TOMM70: variants seen among roughly 807,000 people sequenced by gnomAD.
The protein encoded by TOMM70 is translocase of outer mitochondrial membrane 70, also known as mitochondrial import receptor subunit TOM70.
In TOMM70, 13 loss-of-function variants were observed where a neutral mutation model predicts 73.6. The observed-to-expected ratio is 0.18, with a 90% CI of 0.11 to 0.28. The LOEUF (loss-of-function observed/expected upper bound fraction) is 0.28. TOMM70 is among the 10% of genes least tolerant of loss of function. TOMM70 has a pLI of 1.00. For synonymous variants in TOMM70, 257 were observed against 271.2 expected (o/e 0.95, Z 0.51); for missense variants, 609 against 747.5 (o/e 0.81, Z 2.16).
chr3:100,374,974 G>A lies in TOMM70; in HGVS notation c.1227+44C>T, dbSNP rs1250098583. 11 of 1,481,500 alleles carry A rather than the reference G, an allele frequency of 7.4e-6. No homozygotes were observed. The Admixed American group carries it at 1.5e-4, about 20-fold the overall frequency. 91.8% of individuals were successfully genotyped at this position (1,481,500 alleles called of 1,614,324 possible). On this transcript the variant is annotated intron_variant, in intron 7 of 11. Coordinates refer to ENST00000284320, the MANE Select transcript of TOMM70 (RefSeq NM_014820.5). ...AGAAATTCTCAAAAATGGTATCAAA[G>A]CTCAATCCACAAGTCAGACCTCTAG...
At chr3:100,370,691 T>G (rs1706499575) in intron 9 of TOMM70, among the ~76,000 whole-genome samples, 1 of 152,116 alleles carries the variant, frequency 6.6e-6, no homozygotes, top group African/African-American at 2.4e-5. Flanking sequence ...TATGCATATA[T>G]AAAGTTACAT....
intron 11 of TOMM70, among the ~76,000 whole-genome samples, chr3:100,367,725 CA>C (rs1397616574): frequency 1.3e-5 from 2 of 152,158 alleles, no homozygotes; most frequent in Non-Finnish European, 1.5e-5. Context: ...AACACTTACA[CA>C]AAATAAGAGG....
At chr3:100,389,595 A>G (rs1272682456) in intron 1 of TOMM70, among the ~76,000 whole-genome samples, 2 of 152,258 alleles carry the variant, frequency 1.3e-5, no homozygotes, top group Non-Finnish European at 2.9e-5. Context: ...AAGTTGTGGA[A>G]GGTGAATACT....
intron 1 of TOMM70, among the ~76,000 whole-genome samples, chr3:100,399,183 G>A (rs147001360): frequency 3.9e-5 from 6 of 151,904 alleles, no homozygotes; most frequent in African/African-American, 1.4e-4. Flanking sequence ...TCCGGAGGCT[G>A]AGGCAGAACT....
chr3:100,384,270 T>C (rs372166882), intron 4 of TOMM70, among the ~76,000 whole-genome samples: 4 of 152,220 alleles, frequency 2.6e-5, no homozygotes, highest in Middle Eastern at 3.4e-3. Flanking sequence ...ATTCCAATAT[T>C]CTCCAGGTAG....
At chr3:100,394,320 A>G (rs1706795872) in intron 1 of TOMM70, among the ~76,000 whole-genome samples, 1 of 151,874 alleles carries the variant, frequency 6.6e-6, no homozygotes, top group Non-Finnish European at 1.5e-5. Flanking sequence ...CACTTACTGT[A>G]TGAGAAACAA....
At chr3:100,380,911 T>G (rs996416874) in intron 5 of TOMM70, among the ~76,000 whole-genome samples, 1 of 152,212 alleles carries the variant, frequency 6.6e-6, no homozygotes, top group Non-Finnish European at 1.5e-5. Context: ...AACCCAGTTA[T>G]GCACAGCTAC....
rs1005107486 is a variant in TOMM70, at chr3:100,401,059, C to T, written c.-110G>A. The stretch of plus-strand genomic sequence containing the variant: ...AAGGAAAGCAATGAGCGAGCGAGCA[C>T]GCTAGGCAGAGAGAGCGGACGACAG... On this transcript the variant is annotated 5_prime_UTR_variant, in exon 1 of 12. The change creates a new upstream start codon in the 5' untranslated region. Transcript: ENST00000284320. The T allele has an allele frequency of 3.3e-6, 4 of 1,199,444 alleles. No homozygotes were observed. The highest frequency in any genetic ancestry group is 3.2e-5 in the African/African-American group (2 of 63,438). The allele number at this position is 1,199,444 out of a possible 1,614,324, so 74.3% of individuals were successfully genotyped here.
At chr3:100,381,898 C>G in intron 4 of TOMM70, 135 bp from the exon 5 acceptor site, 1 of 907,256 alleles carries the variant, frequency 1.1e-6, no homozygotes, top group Non-Finnish European at 1.6e-6. Context: ...AAGCTCCAAG[C>G]CACAGAACAA....
chr3:100,365,406 C>G lies in TOMM70; in HGVS notation c.*158G>C. The G allele has an allele frequency of 2.7e-6, 3 of 1,108,354 alleles. No homozygotes were observed. Among genetic ancestry groups the G allele is most frequent in the Non-Finnish European group, 1.3e-6 (1 of 795,122 alleles). The allele number at this position is 1,108,354 out of a possible 1,614,324, so 68.7% of individuals were successfully genotyped here. A position where few individuals can be genotyped will look rare whatever the true frequency, so the allele number is the denominator to read the frequency against. On this transcript the variant is annotated 3_prime_UTR_variant, in exon 12 of 12. Transcript: ENST00000284320. ...TGCAAACTTCCTTCAACAGCCACAC[C>G]CACAACACCTAGACATGAAACAGAT...
chr3:100,386,086 A>C (rs2148892745), intron 3 of TOMM70, 132 bp downstream of exon 3: 5 of 969,890 alleles, frequency 5.2e-6, no homozygotes, highest in East Asian at 5.0e-5. Context: ...TAGAAGACAC[A>C]ATCTTAAGTG....
intron 1 of TOMM70, among the ~76,000 whole-genome samples, chr3:100,388,235 CA>C (rs1233991574): frequency 3.9e-5 from 6 of 152,182 alleles, no homozygotes; most frequent in South Asian, 2.1e-4. Flanking sequence ...GAAACACCCA[CA>C]AAACACCCAC....
chr3:100,370,081 T>TAAATG (rs150519870), intron 9 of TOMM70, among the ~76,000 whole-genome samples: 45,830 of 151,832 alleles, frequency 0.3, 11,952 homozygotes, highest in African/African-American at 0.68. Flanking sequence ...TAAGCCAACT[T>TAAATG]AAATATTTTA....
At chr3:100,385,203 CT>C (rs1314996083) in intron 3 of TOMM70, among the ~76,000 whole-genome samples, 2 of 152,252 alleles carry the variant, frequency 1.3e-5, no homozygotes, top group Non-Finnish European at 2.9e-5. Context: ...ATATATTCCC[CT>C]GATAACCACG....
intron 7 of TOMM70, 68 bp downstream of exon 7, chr3:100,374,950 G>A: frequency 1.4e-6 from 2 of 1,430,506 alleles, no homozygotes; most frequent in Non-Finnish European, 1.8e-6. Context: ...AATTACATAA[G>A]AAATTCTCAA....
chr3:100,366,182 G>C (rs1005544051), intron 11 of TOMM70, among the ~76,000 whole-genome samples: 2 of 152,108 alleles, frequency 1.3e-5, no homozygotes, highest in African/African-American at 4.8e-5. Flanking sequence ...ACTGATGTGG[G>C]CCCACCTCTT....
At chr3:100,397,177 C>G (rs140181407) in intron 1 of TOMM70, among the ~76,000 whole-genome samples, 1 of 152,122 alleles carries the variant, frequency 6.6e-6, no homozygotes. Context: ...CGAAATCCAC[C>G]GAGGATGCCA....
In TOMM70 at chr3:100,365,615, A is replaced by G; in HGVS notation, c.1776T>C (p.His592=). The G allele has an allele frequency of 6.2e-7, 1 of 1,614,214 alleles. No homozygotes were observed. Among genetic ancestry groups the G allele is most frequent in the Non-Finnish European group, 8.5e-7 (1 of 1,180,026 alleles). ...ATTTCTTTGCAACTTCTGTCTGGGC[A>G]TGGGCGGCATCGCAAAGTGAATACA... is the stretch of plus-strand genomic sequence containing the variant. ...AHLYSLCDAA[H]AQTEVAKKYG... Residue 592 remains histidine (H), a synonymous_variant, in exon 12 of 12, where the codon CAT becomes CAC. Coordinates refer to ENST00000284320, the MANE Select transcript of TOMM70 (RefSeq NM_014820.5).
chr3:100,397,988 G>A (rs1706844489), intron 1 of TOMM70, among the ~76,000 whole-genome samples: 1 of 152,178 alleles, frequency 6.6e-6, no homozygotes, highest in Non-Finnish European at 1.5e-5. Flanking sequence ...GAGGAATTAG[G>A]ACATCTAAAA....
Sources: gnomAD v4.1 joint callset for allele counts (sites outside exome capture counted in the v4.1 genomes callset) on GRCh38, gnomAD v4.1.1 for gene constraint, MANE v1.5 for transcripts, NCBI Gene and HGNC (gene_info 2026-07-23, HGNC 2026-07-21) for gene names.